The following CCSER1 variants were observed in gnomAD, a reference collection of about 807,000 sequenced individuals.
CCSER1 encodes serine-rich coiled-coil domain-containing protein 1.
Under a neutral mutation model 82.0 loss-of-function variants are expected in CCSER1, and 41 were observed. That is an observed-to-expected ratio of 0.50 (90% CI 0.39 to 0.65). The LOEUF is 0.65. CCSER1 is among the 30% of genes least tolerant of loss of function. The probability of loss-of-function intolerance (pLI) is 0.00; values close to 1 mark genes in which losing one functional copy is unlikely to be tolerated. For missense variants in CCSER1, 1,119 were observed against 1,064.2 expected (o/e 1.05, Z -0.72); for synonymous variants, 414 against 383.9 (o/e 1.08, Z -0.92).
chr4:90,847,355 T>C (rs543653242), intron 8 of CCSER1, among the ~76,000 whole-genome samples: 3 of 152,358 alleles, frequency 2.0e-5, no homozygotes, highest in African/African-American at 7.2e-5. Context: ...GTCCCCTTGG[T>C]TCTGATCAGG....
chr4:90,877,168 T>G (rs1767320122), intron 8 of CCSER1, among the ~76,000 whole-genome samples: 1 of 152,072 alleles, frequency 6.6e-6, no homozygotes, highest in Non-Finnish European at 1.5e-5. Flanking sequence ...AAGGTGCAGG[T>G]AAAAAGCTTG....
At chr4:91,138,756 C>G (rs1448853333) in intron 10 of CCSER1, among the ~76,000 whole-genome samples, 1 of 145,706 alleles carries the variant, frequency 6.9e-6, no homozygotes, top group African/African-American at 2.6e-5. Flanking sequence ...AACAAACAAC[C>G]CCATCAAAAA....
chr4:91,134,636 T>C (rs1728294495), intron 10 of CCSER1, among the ~76,000 whole-genome samples: 1 of 151,794 alleles, frequency 6.6e-6, no homozygotes, highest in African/African-American at 2.4e-5. Flanking sequence ...AAGTTTCAAC[T>C]AATAAATGTA....
chr4:90,673,593 A>C (rs2149162954), intron 6 of CCSER1, among the ~76,000 whole-genome samples: 1 of 152,130 alleles, frequency 6.6e-6, no homozygotes, highest in South Asian at 2.1e-4. Flanking sequence ...TCCTTCTGCT[A>C]GGTAAATATA....
At chr4:90,966,420 G>GC (rs1263370150) in intron 9 of CCSER1, among the ~76,000 whole-genome samples, 1 of 151,994 alleles carries the variant, frequency 6.6e-6, no homozygotes, top group East Asian at 1.9e-4. Flanking sequence ...AAGCAGGGAG[G>GC]CCAGAAGAAA....
chr4:91,157,667 A>T (rs1730948493), intron 10 of CCSER1, among the ~76,000 whole-genome samples: 3 of 152,016 alleles, frequency 2.0e-5, no homozygotes, highest in Admixed American at 2.0e-4. Flanking sequence ...ACCTGTTCCT[A>T]CTTGGCTGGA....
intron 5 of CCSER1, among the ~76,000 whole-genome samples, chr4:90,477,109 G>A (rs1765218534): frequency 6.6e-6 from 1 of 152,040 alleles, no homozygotes; most frequent in Non-Finnish European, 1.5e-5. Context: ...GAAAAAAATC[G>A]ATTTGCAAAT....
intron 1 of CCSER1, among the ~76,000 whole-genome samples, chr4:90,140,873 G>A (rs1206357006): frequency 6.6e-6 from 1 of 151,430 alleles, no homozygotes; most frequent in South Asian, 2.1e-4. Context: ...CACTATATTG[G>A]CCAGGATGGT....
intron 1 of CCSER1, among the ~76,000 whole-genome samples, chr4:90,276,565 C>G (rs553548148): frequency 3.5e-4 from 53 of 151,976 alleles, no homozygotes; most frequent in African/African-American, 1.2e-3. Context: ...AGGCTGGTCT[C>G]GAAATCCTGG....
intron 6 of CCSER1, among the ~76,000 whole-genome samples, chr4:90,656,647 T>G (rs1381381877): frequency 6.6e-6 from 1 of 151,950 alleles, no homozygotes; most frequent in Non-Finnish European, 1.5e-5. Context: ...TATTTGTATT[T>G]AATGTAACTA....
At chr4:91,206,107 C>G (rs918459612) in intron 10 of CCSER1, among the ~76,000 whole-genome samples, 1 of 151,712 alleles carries the variant, frequency 6.6e-6, no homozygotes, top group Non-Finnish European at 1.5e-5. Context: ...CCAGAATGTT[C>G]GGGGAAGTGA....
At chr4:90,250,770 G>A (rs73832733) in intron 1 of CCSER1, among the ~76,000 whole-genome samples, 224 of 152,108 alleles carry the variant, frequency 1.5e-3, no homozygotes, top group African/African-American at 5.3e-3. Flanking sequence ...ATTTTGACAA[G>A]GATTGTGTTG....
chr4:90,844,086 C>T (rs1242430498), intron 8 of CCSER1, among the ~76,000 whole-genome samples: 2 of 151,308 alleles, frequency 1.3e-5, no homozygotes, highest in African/African-American at 4.9e-5. Flanking sequence ...ATTCAAATCT[C>T]CTTCCTCTGT....
rs546856368 is a variant in CCSER1 at position 90,869,615 on chromosome 4, G to A, written c.2095-53755G>A. Reference sequence around the variant, plus strand: ...GTTTTGGTTACTATAGCTTTGTAGCGTTAAGTTGAGGTCAGGTAATGTGAT... The same window carrying A: ...GTTTTGGTTACTATAGCTTTGTAGCATTAAGTTGAGGTCAGGTAATGTGAT... On this transcript the variant is annotated intron_variant, in intron 8 of 10. Coordinates refer to ENST00000509176, the MANE Select transcript of CCSER1 (RefSeq NM_001145065.2). Among the ~76,000 whole-genome samples the A allele has an allele frequency of 5.9e-5, 9 of 151,566 alleles. No individual in the cohort carries two copies. In the South Asian group the frequency reaches 6.2e-4, roughly 10 times the overall value.
chr4:91,057,814 G>A (rs1743588111), intron 9 of CCSER1, among the ~76,000 whole-genome samples: 1 of 152,084 alleles, frequency 6.6e-6, no homozygotes, highest in Non-Finnish European at 1.5e-5. Context: ...ACATGTGTGT[G>A]AATTTGTATG....
intron 7 of CCSER1, among the ~76,000 whole-genome samples, chr4:90,739,555 G>T (rs892260399): frequency 2.0e-5 from 3 of 152,118 alleles, no homozygotes; most frequent in African/African-American, 7.2e-5. Context: ...AGTCCTTGTG[G>T]GCTAGACTGC....
chr4:90,284,501 T>A (rs1578953534), intron 1 of CCSER1, among the ~76,000 whole-genome samples: 1 of 151,824 alleles, frequency 6.6e-6, no homozygotes. Context: ...TTGATTTTTT[T>A]TTTTTTTTTT....
chr4:90,653,787 A>C (rs1465029007), intron 6 of CCSER1, among the ~76,000 whole-genome samples: 1 of 152,146 alleles, frequency 6.6e-6, no homozygotes, highest in Non-Finnish European at 1.5e-5. Flanking sequence ...AAATCTTGAA[A>C]GGTTGTAGGA....
At chr4:91,451,305 A>T (rs1755859470) in intron 10 of CCSER1, among the ~76,000 whole-genome samples, 1 of 152,060 alleles carries the variant, frequency 6.6e-6, no homozygotes, top group Non-Finnish European at 1.5e-5. Flanking sequence ...AGACTGTGGC[A>T]TGGGACCAAA....
Sources: allele counts gnomAD v4.1 joint callset (sites outside exome capture counted in the v4.1 genomes callset), GRCh38; gene constraint gnomAD v4.1.1; transcripts MANE v1.5; gene names NCBI Gene and HGNC (gene_info 2026-07-23, HGNC 2026-07-21).